The following NMNAT3 variants were observed in gnomAD, a reference collection of about 807,000 sequenced individuals.
NMNAT3 encodes the protein nicotinamide nucleotide adenylyltransferase 3.
NMNAT3 carries 21 observed loss-of-function variants against 24.8 expected under a neutral mutation model. The observed-to-expected ratio is 0.85, with a 90% CI of 0.60 to 1.22. NMNAT3 has a LOEUF of 1.22. Among genes scored for constraint, NMNAT3 ranks in the 50% most tolerant of loss-of-function variants. The pLI, the probability that NMNAT3 is intolerant of heterozygous loss-of-function variation, is 0.00. For missense variants in NMNAT3, 387 were observed against 436.6 expected (o/e 0.89, Z 1.01); for synonymous variants, 136 against 155.2 (o/e 0.88, Z 0.92).
At chr3:139,634,382 T>C (rs2056421092) in intron 2 of NMNAT3, 1 of 152,222 alleles carries the variant, frequency 6.6e-6, no homozygotes, top group Non-Finnish European at 1.5e-5. Context: ...ACATCTTTTA[T>C]TACACAGACC....
chr3:139,591,175 G>GAGTT (rs1190815137), intron 3 of NMNAT3, among the ~76,000 whole-genome samples: 1 of 151,308 alleles, frequency 6.6e-6, no homozygotes, highest in Non-Finnish European at 1.5e-5. Flanking sequence ...AGGGGTCAGG[G>GAGTT]AGTTCCCTTT....
intron 3 of NMNAT3, among the ~76,000 whole-genome samples, chr3:139,598,140 T>G (rs1158946862): frequency 6.6e-6 from 1 of 152,196 alleles, no homozygotes; most frequent in Non-Finnish European, 1.5e-5. Flanking sequence ...ACTCCCTCCA[T>G]TCTCTGGCCT....
rs1256912954 is a variant in NMNAT3 at position 139,596,941 on chromosome 3, TATATATATATATATATA to T, written c.110-13750_110-13734del. 3.9e-3 allele frequency among the ~76,000 whole-genome samples: 428 copies of T among 110,836 alleles called. 7 individuals are homozygous for T. Among genetic ancestry groups the T allele is most frequent in the African/African-American group, 0.02 (409 of 20,882 alleles). The allele number at this position is 110,836 out of a possible 152,430, so 72.7% of individuals were successfully genotyped here. ...GTATATATATATATATATATATATA[TATATATATATATATATA>T]TATATATTTTTATTACATTGCATTA... On this transcript the variant is annotated intron_variant, in intron 3 of 6. Coordinates refer to ENST00000643695, the MANE Select transcript of NMNAT3 (RefSeq NM_001320510.2).
At chr3:139,616,695 T>TG (rs1202258418) in intron 3 of NMNAT3, among the ~76,000 whole-genome samples, 1 of 152,190 alleles carries the variant, frequency 6.6e-6, no homozygotes, top group African/African-American at 2.4e-5. Flanking sequence ...TTCTGTTTAT[T>TG]GCCATTGTCA....
At chr3:139,619,332 G>A (rs2055655177) in intron 3 of NMNAT3, among the ~76,000 whole-genome samples, 1 of 152,072 alleles carries the variant, frequency 6.6e-6, no homozygotes, top group Non-Finnish European at 1.5e-5. Flanking sequence ...CAGGGAGGGA[G>A]GACTGAAAAT....
At chr3:139,665,800 T>C (rs2057561772) in intron 1 of NMNAT3, among the ~76,000 whole-genome samples, 1 of 145,802 alleles carries the variant, frequency 6.9e-6, no homozygotes, top group Admixed American at 6.8e-5. Flanking sequence ...TTATTTTAAG[T>C]GAAAAAAAAA....
intron 3 of NMNAT3, among the ~76,000 whole-genome samples, chr3:139,624,478 C>T (rs374743249): frequency 6.6e-5 from 10 of 150,816 alleles, no homozygotes; most frequent in East Asian, 3.9e-4. Flanking sequence ...GACAGAGTCT[C>T]GCTGCACTCC....
intron 1 of NMNAT3, among the ~76,000 whole-genome samples, chr3:139,649,765 G>C (rs2056995400): frequency 6.6e-6 from 1 of 152,026 alleles, no homozygotes; most frequent in Non-Finnish European, 1.5e-5. Context: ...CCCAAACCAC[G>C]CTTCATCACA....
At chr3:139,653,317 T>C (rs902365808) in intron 1 of NMNAT3, among the ~76,000 whole-genome samples, 1 of 152,150 alleles carries the variant, frequency 6.6e-6, no homozygotes, top group African/African-American at 2.4e-5. Flanking sequence ...CAAAAGGTGA[T>C]ATTGTTAAAA....
At chr3:139,620,710 A>G (rs2055729099) in intron 3 of NMNAT3, among the ~76,000 whole-genome samples, 1 of 151,980 alleles carries the variant, frequency 6.6e-6, no homozygotes, top group Non-Finnish European at 1.5e-5. Flanking sequence ...TATAGTAAAC[A>G]CACATTTAAC....
chr3:139,615,913 G>C (rs549723232), intron 3 of NMNAT3, among the ~76,000 whole-genome samples: 22 of 152,098 alleles, frequency 1.4e-4, no homozygotes, highest in Non-Finnish European at 3.2e-4. Context: ...TCTGGACAGG[G>C]CATGTATGCT....
Position 139,578,909 on chromosome 3 carries a change from C to T in NMNAT3, c.538G>A (p.Glu180Lys). The change falls in exon 5 of 7, where the codon GAG becomes AAG. Residue 180 changes from glutamate to lysine, a missense_variant. Glu to Lys is a moderately conservative substitution (Grantham distance 56). Transcript: ENST00000643695. ...ACTGTCTCCATCCACTGTGCCTGCT[C>T]ACTCTCCCAAGGGTCCACCCGGATC... 3 of 1,614,190 alleles carry T rather than the reference C, an allele frequency of 1.9e-6. No homozygotes were observed. In the African/African-American group the frequency reaches 4.0e-5, roughly 22 times the overall value.
intron 1 of NMNAT3, among the ~76,000 whole-genome samples, chr3:139,657,417 G>A (rs140088921): frequency 8.2e-4 from 125 of 152,366 alleles, no homozygotes; most frequent in African/African-American, 2.8e-3. Flanking sequence ...AGGTTAGTGC[G>A]CAGGTGTCAG....
chr3:139,619,287 CCA>C (rs2055653280), intron 3 of NMNAT3, among the ~76,000 whole-genome samples: 3 of 152,266 alleles, frequency 2.0e-5, no homozygotes, highest in African/African-American at 7.2e-5. Flanking sequence ...GTAGAAGAGT[CCA>C]TTCTGAACTC....
intron 2 of NMNAT3, among the ~76,000 whole-genome samples, chr3:139,630,561 C>A (rs535962541): frequency 2.6e-5 from 4 of 152,316 alleles, no homozygotes; most frequent in Admixed American, 2.6e-4. Context: ...GGTGTTTTCT[C>A]CTTCTTGGGA....
At chr3:139,573,789 C>A (rs1166632440) in intron 5 of NMNAT3, 109 bp from the exon 6 acceptor site, 2 of 572,176 alleles carry the variant, frequency 3.5e-6, no homozygotes, top group South Asian at 2.7e-5. Flanking sequence ...TTAGTTCACT[C>A]ATTCCACAAA....
At chr3:139,563,000 G>C (rs1936641155) in intron 6 of NMNAT3, among the ~76,000 whole-genome samples, 1 of 152,156 alleles carries the variant, frequency 6.6e-6, no homozygotes, top group South Asian at 2.1e-4. Flanking sequence ...AATACCTCAT[G>C]TGATCTCAAC....
chr3:139,571,612 A>C (rs1229300264), intron 6 of NMNAT3: 3 of 152,472 alleles, frequency 2.0e-5, no homozygotes, highest in Non-Finnish European at 4.4e-5. Context: ...AGGGCCAAGC[A>C]GATTAAGTTG....
chr3:139,630,496 C>G (rs1472008065), intron 2 of NMNAT3, among the ~76,000 whole-genome samples: 3 of 152,142 alleles, frequency 2.0e-5, no homozygotes, highest in Non-Finnish European at 2.9e-5. Flanking sequence ...ATTGAAAAAG[C>G]CTGCTTATGT....
Sources: gnomAD v4.1 joint callset for allele counts (sites outside exome capture counted in the v4.1 genomes callset) on GRCh38, gnomAD v4.1.1 for gene constraint, MANE v1.5 for transcripts, NCBI Gene and HGNC (gene_info 2026-07-23, HGNC 2026-07-21) for gene names.